Variants in TBC1D22A observed in about 807,000 individuals in gnomAD.
The protein encoded by TBC1D22A is TBC1 domain family member 22A.
TBC1D22A carries 38 observed loss-of-function variants against 60.2 expected under a neutral mutation model. That is an observed-to-expected ratio of 0.63 (90% confidence interval 0.49 to 0.83). The LOEUF (loss-of-function observed/expected upper bound fraction) is 0.83. Among genes scored for constraint, TBC1D22A ranks in the 40% least tolerant of loss-of-function variants. TBC1D22A has a pLI of 0.00. For synonymous variants in TBC1D22A, 302 were observed against 281.7 expected (o/e 1.07, Z -0.72); for missense variants, 628 against 701.0 (o/e 0.90, Z 1.18).
At chr22:46,981,155 C>T (rs1230367309) in intron 9 of TBC1D22A, among the ~76,000 whole-genome samples, 1 of 152,158 alleles carries the variant, frequency 6.6e-6, no homozygotes. Flanking sequence ...CAAAGAGTAT[C>T]ACTGCCAGTG....
At position 47,151,171 on chromosome 22, in the gene TBC1D22A, C is replaced by T. The variant is rs182766902; in HGVS notation, c.1426-22327C>T. Among the ~76,000 whole-genome samples the T allele has an allele frequency of 3.2e-3, 494 of 152,270 alleles. 3 individuals carry two copies. Among genetic ancestry groups the T allele is most frequent in the African/African-American group, 0.01 (433 of 41,566 alleles). ...GCAGATTCCTGCGAGCCTGGCTGTGCGGGCCCAGAGCCTCACCAGACTGTT... is the reference window on the plus strand; with the variant it reads ...GCAGATTCCTGCGAGCCTGGCTGTGTGGGCCCAGAGCCTCACCAGACTGTT... On this transcript the variant is annotated intron_variant, in intron 12 of 12. Coordinates refer to ENST00000337137, the MANE Select transcript of TBC1D22A (RefSeq NM_014346.5).
rs1257921171 is a variant in TBC1D22A, at chr22:46,902,476, T to G, written c.900+7630T>G. Reference sequence around the variant, plus strand: ...GTGAGTACTTCTTGTTTGAACCATTTCAGATTATTCTGTGTTGTCCTTAAA... The same window carrying G: ...GTGAGTACTTCTTGTTTGAACCATTGCAGATTATTCTGTGTTGTCCTTAAA... On this transcript the variant is annotated intron_variant, in intron 7 of 12. Coordinates refer to ENST00000337137, the MANE Select transcript of TBC1D22A (RefSeq NM_014346.5). 7.2e-5 allele frequency among the ~76,000 whole-genome samples: 11 copies of G among 152,390 alleles called. 1 individual carries two copies. In the South Asian group the frequency reaches 2.3e-3, roughly 32 times the overall value.
chr22:47,051,034 G>A (rs1463480352), intron 11 of TBC1D22A, among the ~76,000 whole-genome samples: 2 of 152,208 alleles, frequency 1.3e-5, no homozygotes, highest in African/African-American at 2.4e-5. Context: ...CTGTCTGGGC[G>A]GCGGCTCTGG....
Position 46,879,116 on chromosome 22 carries a change from GTT to G in TBC1D22A, c.708+409_708+410del, listed in dbSNP as rs131870. On this transcript the variant is annotated intron_variant, in intron 5 of 12. Transcript: ENST00000337137. ...AAAACAAGGACATATGTTTGACCAA[GTT>G]TTTTTTTTTTTTTTTGTAAGTATTA... Among the ~76,000 whole-genome samples, 407 of 135,428 alleles carry G rather than the reference GTT, an allele frequency of 3.0e-3. 3 individuals carry two copies. Among genetic ancestry groups the G allele is most frequent in the East Asian group, 0.027 (129 of 4,698 alleles). The allele number at this position is 135,428 out of a possible 152,430, so 88.8% of individuals were successfully genotyped here.
intron 11 of TBC1D22A, among the ~76,000 whole-genome samples, chr22:47,042,753 C>G (rs915498509): frequency 1.3e-5 from 2 of 152,238 alleles, no homozygotes; most frequent in Non-Finnish European, 2.9e-5. Context: ...GGCACATCTC[C>G]CAGAGGTAGC....
At chr22:46,911,071 C>A (rs1182802932) in intron 7 of TBC1D22A, among the ~76,000 whole-genome samples, 2 of 152,024 alleles carry the variant, frequency 1.3e-5, no homozygotes, top group African/African-American at 4.8e-5. Context: ...AGGTCTTCAG[C>A]CAGGTGTGCA....
At chr22:46,974,461 G>C in intron 9 of TBC1D22A, 62 bp downstream of exon 9, 1 of 1,377,146 alleles carries the variant, frequency 7.3e-7, no homozygotes, top group Non-Finnish European at 1.0e-6. Context: ...AAGAGAGCCT[G>C]AGGCCTTAGG....
intron 8 of TBC1D22A, among the ~76,000 whole-genome samples, chr22:46,943,843 C>T (rs557602705): frequency 9.8e-4 from 149 of 152,256 alleles, no homozygotes; most frequent in Non-Finnish European, 1.8e-3. Flanking sequence ...CTTTCATTGA[C>T]CGTAATGTTT....
chr22:47,159,316 T>C (rs373836940), intron 12 of TBC1D22A, among the ~76,000 whole-genome samples: 2 of 84,216 alleles, frequency 2.4e-5, no homozygotes, highest in African/African-American at 1.1e-4. Context: ...CATGTATACA[T>C]ACACACACAT....
intron 8 of TBC1D22A, among the ~76,000 whole-genome samples, chr22:46,923,537 A>C (rs1008494152): frequency 6.6e-6 from 1 of 152,190 alleles, no homozygotes; most frequent in Non-Finnish European, 1.5e-5. Flanking sequence ...GGCTGGGAGG[A>C]AGAAGGACTC....
At chr22:46,985,574 C>T (rs1009349360) in intron 9 of TBC1D22A, among the ~76,000 whole-genome samples, 33 of 152,184 alleles carry the variant, frequency 2.2e-4, no homozygotes, top group African/African-American at 7.5e-4. Flanking sequence ...GAATCCGTGT[C>T]GTTGCCTGAA....
At chr22:46,966,494 TAATAGAAGAA>T (rs1206923000) in intron 8 of TBC1D22A, among the ~76,000 whole-genome samples, 1 of 152,196 alleles carries the variant, frequency 6.6e-6, no homozygotes. Flanking sequence ...TGATATTTGT[TAATAGAAGAA>T]ATCACTGTTT....
intron 1 of TBC1D22A, among the ~76,000 whole-genome samples, chr22:46,768,348 G>A (rs972946588): frequency 6.6e-6 from 1 of 151,952 alleles, no homozygotes; most frequent in Non-Finnish European, 1.5e-5. Context: ...AGCCAGGCGT[G>A]GTGGCAGGCG....
At chr22:47,097,606 A>G (rs1364243310) in intron 11 of TBC1D22A, among the ~76,000 whole-genome samples, 1 of 151,616 alleles carries the variant, frequency 6.6e-6, no homozygotes, top group East Asian at 1.9e-4. Flanking sequence ...GCAAGAGTCC[A>G]TCTCAAAAAA....
At chr22:46,874,851 G>A (rs753839119) in intron 4 of TBC1D22A, among the ~76,000 whole-genome samples, 3 of 152,188 alleles carry the variant, frequency 2.0e-5, no homozygotes, top group Non-Finnish European at 4.4e-5. Context: ...TAGGATTACA[G>A]GCGTGAGCCA....
intron 2 of TBC1D22A, 39 bp downstream of exon 2, chr22:46,792,615 G>A: frequency 6.2e-7 from 1 of 1,614,206 alleles, no homozygotes; most frequent in Non-Finnish European, 8.5e-7. Context: ...TCTCGGCTCT[G>A]ATATGGGAGG....
chr22:47,142,283 C>T, intron 12 of TBC1D22A, among the ~76,000 whole-genome samples: 1 of 135,308 alleles, frequency 7.4e-6, no homozygotes, highest in Admixed American at 7.4e-5. Flanking sequence ...TCCACCCCAT[C>T]CACCCACCCA....
intron 4 of TBC1D22A, among the ~76,000 whole-genome samples, chr22:46,832,053 C>T (rs2086331634): frequency 6.6e-6 from 1 of 152,116 alleles, no homozygotes; most frequent in Non-Finnish European, 1.5e-5. Context: ...TCTCTTATTC[C>T]TTTTGTTTTT....
At chr22:46,812,172 CTT>C (rs2085404769) in intron 4 of TBC1D22A, among the ~76,000 whole-genome samples, 1 of 152,114 alleles carries the variant, frequency 6.6e-6, no homozygotes. Flanking sequence ...GGGGGTGACA[CTT>C]TGAAATTCAG....
Sources: gnomAD v4.1 joint callset for allele counts (sites outside exome capture counted in the v4.1 genomes callset) on GRCh38, gnomAD v4.1.1 for gene constraint, MANE v1.5 for transcripts, NCBI Gene and HGNC (gene_info 2026-07-23, HGNC 2026-07-21) for gene names.